The following CADM2 variants were observed in gnomAD, a reference collection of about 807,000 sequenced individuals.
CADM2 encodes cell adhesion molecule 2.
Under a neutral mutation model 49.8 loss-of-function variants are expected in CADM2, and 12 were observed. That is an observed-to-expected ratio of 0.24 (90% CI 0.15 to 0.39). The LOEUF is 0.39. CADM2 is among the 10% of genes least tolerant of loss of function. CADM2 has a pLI of 1.00. For synonymous variants in CADM2, 214 were observed against 175.4 expected (o/e 1.22, Z -1.74); for missense variants, 378 against 492.3 (o/e 0.77, Z 2.20).
intron 1 of CADM2, among the ~76,000 whole-genome samples, chr3:85,077,885 G>A (rs2037008785): frequency 6.6e-6 from 1 of 152,008 alleles, no homozygotes; most frequent in African/African-American, 2.4e-5. Flanking sequence ...TAACCTATTT[G>A]ATATTACATG....
chr3:85,654,259 G>A (rs1430073437), intron 1 of CADM2, among the ~76,000 whole-genome samples: 1 of 152,168 alleles, frequency 6.6e-6, no homozygotes, highest in Non-Finnish European at 1.5e-5. Context: ...AGCTGAATGG[G>A]TATATCCAGC....
intron 8 of CADM2, among the ~76,000 whole-genome samples, chr3:85,980,994 C>T (rs4443171): frequency 0.16 from 24,886 of 151,202 alleles, 2,086 homozygotes; most frequent in Admixed American, 0.19. Flanking sequence ...CATCTAAAAT[C>T]ACTAGCAATC....
chr3:85,451,350 T>G (rs1462992128), intron 1 of CADM2, among the ~76,000 whole-genome samples: 3 of 152,086 alleles, frequency 2.0e-5, no homozygotes, highest in African/African-American at 7.2e-5. Flanking sequence ...ACTTATCACA[T>G]TAATAATAAT....
At chr3:85,652,780 T>C (rs1388597872) in intron 1 of CADM2, among the ~76,000 whole-genome samples, 4 of 122,626 alleles carry the variant, frequency 3.3e-5, no homozygotes, top group Non-Finnish European at 6.8e-5. Flanking sequence ...TTCTTTTTTT[T>C]TTTTTTTTTT....
At chr3:85,246,883 A>G (rs1420188807) in intron 1 of CADM2, among the ~76,000 whole-genome samples, 2 of 152,056 alleles carry the variant, frequency 1.3e-5, no homozygotes, top group Non-Finnish European at 2.9e-5. Context: ...TGTTTGTGTG[A>G]GAGATTTCTT....
At chr3:85,654,303 A>C (rs1417959102) in intron 1 of CADM2, among the ~76,000 whole-genome samples, 1 of 152,230 alleles carries the variant, frequency 6.6e-6, no homozygotes. Context: ...AATAGTAAAA[A>C]GTTACAGTTA....
At chr3:85,493,320 A>C (rs1022517772) in intron 1 of CADM2, among the ~76,000 whole-genome samples, 2 of 152,066 alleles carry the variant, frequency 1.3e-5, no homozygotes, top group Non-Finnish European at 2.9e-5. Context: ...CAATGTGTTC[A>C]GGTTTCTTTT....
chr3:85,041,584 A>G (rs1405637719), intron 1 of CADM2, among the ~76,000 whole-genome samples: 1 of 152,146 alleles, frequency 6.6e-6, no homozygotes, highest in Non-Finnish European at 1.5e-5. Flanking sequence ...TCCAGGTACC[A>G]AGGCTCTTCT....
chr3:85,286,548 C>T (rs921220062), intron 1 of CADM2, among the ~76,000 whole-genome samples: 1 of 152,130 alleles, frequency 6.6e-6, no homozygotes, highest in Non-Finnish European at 1.5e-5. Context: ...AGGAACTGCA[C>T]ATTCAAAGTC....
intron 8 of CADM2, among the ~76,000 whole-genome samples, chr3:86,035,544 GCA>G (rs1230822467): frequency 1.3e-5 from 2 of 151,968 alleles, no homozygotes; most frequent in Non-Finnish European, 2.9e-5. Context: ...AGTATACTTT[GCA>G]CAGTGTTTGA....
intron 1 of CADM2, among the ~76,000 whole-genome samples, chr3:85,161,265 A>G (rs2040312151): frequency 6.6e-6 from 1 of 152,194 alleles, no homozygotes; most frequent in Non-Finnish European, 1.5e-5. Context: ...AATTTTTGAG[A>G]ACCTCAGTGG....
chr3:85,442,914 C>T (rs2037280252), intron 1 of CADM2, among the ~76,000 whole-genome samples: 1 of 151,528 alleles, frequency 6.6e-6, no homozygotes, highest in Admixed American at 6.6e-5. Context: ...ACAATATTTG[C>T]TGAGCATTTC....
At chr3:85,578,310 G>A (rs1384733777) in intron 1 of CADM2, among the ~76,000 whole-genome samples, 1 of 152,112 alleles carries the variant, frequency 6.6e-6, no homozygotes, top group African/African-American at 2.4e-5. Flanking sequence ...AAAATCAGAA[G>A]ACACACCACT....
At chr3:85,383,401 G>A (rs1198393707) in intron 1 of CADM2, among the ~76,000 whole-genome samples, 3 of 151,154 alleles carry the variant, frequency 2.0e-5, no homozygotes, top group Admixed American at 6.6e-5. Context: ...TAGATAAATT[G>A]AATTAGATAA....
chr3:86,043,038 G>C (rs1265546190), intron 8 of CADM2, among the ~76,000 whole-genome samples: 2 of 152,104 alleles, frequency 1.3e-5, no homozygotes, highest in Non-Finnish European at 2.9e-5. Flanking sequence ...AGCCCTTCAT[G>C]CTAAAAACTC....
chr3:85,337,014 TATATAAATAAATATAA>T (rs1225440818), intron 1 of CADM2, among the ~76,000 whole-genome samples: 1 of 136,782 alleles, frequency 7.3e-6, no homozygotes, highest in East Asian at 2.0e-4. Flanking sequence ...AAATATAATA[TATATAAATAAATATAA>T]ATATATATAT....
intron 1 of CADM2, among the ~76,000 whole-genome samples, chr3:85,231,769 A>G (rs2042295033): frequency 6.7e-6 from 1 of 149,266 alleles, no homozygotes; most frequent in South Asian, 2.1e-4. Context: ...CTAGAGTGTA[A>G]TGGTGCAATC....
intron 1 of CADM2, among the ~76,000 whole-genome samples, chr3:85,286,419 A>G (rs1301600391): frequency 6.6e-6 from 1 of 152,178 alleles, no homozygotes; most frequent in Non-Finnish European, 1.5e-5. Context: ...CATCTAGCAT[A>G]TACAGGATTG....
chr3:85,025,716 G>A (rs944271519), intron 1 of CADM2, among the ~76,000 whole-genome samples: 80 of 152,052 alleles, frequency 5.3e-4, no homozygotes, highest in African/African-American at 1.8e-3. Context: ...TCAAATGACC[G>A]TCGTAGGTTA....
Sources: gnomAD v4.1 joint callset for allele counts (sites outside exome capture counted in the v4.1 genomes callset) on GRCh38, gnomAD v4.1.1 for gene constraint, MANE v1.5 for transcripts, NCBI Gene and HGNC (gene_info 2026-07-23, HGNC 2026-07-21) for gene names.